The following GPR39 variants were observed in gnomAD, a reference collection of about 807,000 sequenced individuals.
GPR39 encodes zinc sensing receptor.
In GPR39, 23 loss-of-function variants were observed where a neutral mutation model predicts 18.4. That is an observed-to-expected ratio of 1.25 (90% CI 0.90 to 1.77). The LOEUF is 1.77. Among genes scored for constraint, GPR39 ranks in the 40% most tolerant of loss-of-function variants. The probability of loss-of-function intolerance (pLI) is 0.00; values close to 1 mark genes in which losing one functional copy is unlikely to be tolerated. For synonymous variants in GPR39, 280 were observed against 257.9 expected (o/e 1.09, Z -0.82); for missense variants, 647 against 602.4 (o/e 1.07, Z -0.78).
Position 132,646,392 on chromosome 2 carries a change from A to G in GPR39, c.*786A>G. 1.7e-6 allele frequency: 1 copy of G among 597,334 alleles called. No individual in the cohort carries two copies. The highest frequency in any genetic ancestry group is 2.7e-6 in the Non-Finnish European group (1 of 377,104). 37.0% of individuals were successfully genotyped at this position (597,334 alleles called of 1,614,324 possible). On this transcript the variant is annotated 3_prime_UTR_variant, in exon 2 of 2. Transcript: ENST00000329321. ...CTTCCTTACTCCTCCCACAGCCCAG[A>G]GACTAGGTGAGGTCAGGGAAGTGCT...
intron 1 of GPR39, among the ~76,000 whole-genome samples, chr2:132,616,978 T>C (rs1472145338): frequency 6.6e-6 from 1 of 152,178 alleles, no homozygotes; most frequent in African/African-American, 2.4e-5. Flanking sequence ...CACAAACCCA[T>C]TCATAGAGAC....
Position 132,609,148 on chromosome 2 carries a change from G to A in GPR39, c.857-35953G>A, listed in dbSNP as rs985850291. On this transcript the variant is annotated intron_variant, in intron 1 of 1. Transcript: ENST00000329321. ...AGCAGATAATAGATTGTAGGTACGC[G>A]GCCATGGGCCCCTAAGAGAAATCTC... Among the ~76,000 whole-genome samples, 5 of 152,158 alleles carry A rather than the reference G, an allele frequency of 3.3e-5. 1 individual carries two copies. Among genetic ancestry groups the A allele is most frequent in the Admixed American group, 6.5e-5 (1 of 15,280 alleles).
At chr2:132,431,078 A>T (rs369284578) in intron 1 of GPR39, among the ~76,000 whole-genome samples, 2 of 152,082 alleles carry the variant, frequency 1.3e-5, no homozygotes, top group South Asian at 4.1e-4. Context: ...GTTGGTGCCA[A>T]ATCCCCAGGG....
At chr2:132,640,608 C>A (rs1681840549) in intron 1 of GPR39, among the ~76,000 whole-genome samples, 1 of 152,106 alleles carries the variant, frequency 6.6e-6, no homozygotes, top group South Asian at 2.1e-4. Flanking sequence ...GCACATTACA[C>A]CACACAGACC....
chr2:132,428,359 G>A (rs967183718), intron 1 of GPR39, among the ~76,000 whole-genome samples: 1 of 152,170 alleles, frequency 6.6e-6, no homozygotes, highest in African/African-American at 2.4e-5. Flanking sequence ...CTTAATACTT[G>A]TCTCATTGGG....
At chr2:132,472,386 C>A (rs12617881) in intron 1 of GPR39, among the ~76,000 whole-genome samples, 60,089 of 151,994 alleles carry the variant, frequency 0.4, 14,429 homozygotes, top group Non-Finnish European at 0.54. Context: ...ACTTGCCACT[C>A]CCAGAAGTTG....
At chr2:132,625,024 C>G (rs193130605) in intron 1 of GPR39, among the ~76,000 whole-genome samples, 40 of 152,008 alleles carry the variant, frequency 2.6e-4, no homozygotes, top group African/African-American at 8.7e-4. Context: ...AGTAGTTGCA[C>G]CAATTTACAA....
At chr2:132,490,558 C>G (rs886719242) in intron 1 of GPR39, among the ~76,000 whole-genome samples, 2 of 151,802 alleles carry the variant, frequency 1.3e-5, no homozygotes, top group African/African-American at 4.9e-5. Context: ...GTCGGAGAGA[C>G]AGGAAGAACC....
At chr2:132,562,696 T>C (rs1680276133) in intron 1 of GPR39, among the ~76,000 whole-genome samples, 2 of 152,054 alleles carry the variant, frequency 1.3e-5, no homozygotes, top group South Asian at 4.2e-4. Context: ...TAGTAGTAGA[T>C]AGTAATAGAT....
intron 1 of GPR39, among the ~76,000 whole-genome samples, chr2:132,585,948 GTTTTTT>G (rs397985921): frequency 1.4e-4 from 9 of 62,958 alleles, no homozygotes; most frequent in East Asian, 7.1e-4. Context: ...AGCATCCCCG[GTTTTTT>G]TTTTTTTTTT....
chr2:132,514,553 C>T (rs1157102313), intron 1 of GPR39, among the ~76,000 whole-genome samples: 1 of 152,170 alleles, frequency 6.6e-6, no homozygotes, highest in East Asian at 1.9e-4. Context: ...AGCTCTGTTC[C>T]CCTCTGCCAC....
chr2:132,466,220 A>G (rs1680925044), intron 1 of GPR39, among the ~76,000 whole-genome samples: 2 of 152,238 alleles, frequency 1.3e-5, no homozygotes, highest in African/African-American at 4.8e-5. Context: ...TGACATAGGT[A>G]AAGTACCTCA....
chr2:132,564,810 C>CTTTTTTTTCTTTTTTTT (rs1680317370), intron 1 of GPR39, among the ~76,000 whole-genome samples: 1 of 95,440 alleles, frequency 1.0e-5, no homozygotes, highest in Non-Finnish European at 1.9e-5. Context: ...TTTCTTTTTT[C>CTTTTTTTTCTTTTTTTT]TTTTTTTTTT....
intron 1 of GPR39, among the ~76,000 whole-genome samples, chr2:132,585,961 T>TTTTG (rs1224680051): frequency 4.2e-5 from 6 of 141,334 alleles, no homozygotes; most frequent in Non-Finnish European, 7.7e-5. Flanking sequence ...TTTTTTTTTT[T>TTTTG]TTTTTTTTTT....
intron 1 of GPR39, among the ~76,000 whole-genome samples, chr2:132,426,641 C>T (rs1211202254): frequency 5.3e-5 from 8 of 152,188 alleles, no homozygotes; most frequent in Admixed American, 2.0e-4. Flanking sequence ...CAGACTTTAT[C>T]ATTTTCTGAT....
chr2:132,585,491 G>A (rs1415678666), intron 1 of GPR39, among the ~76,000 whole-genome samples: 4 of 152,212 alleles, frequency 2.6e-5, no homozygotes, highest in African/African-American at 9.7e-5. Flanking sequence ...TGACTGATGT[G>A]AGTTGCCCTC....
chr2:132,468,944 A>G (rs1163538002), intron 1 of GPR39, among the ~76,000 whole-genome samples: 1 of 152,198 alleles, frequency 6.6e-6, no homozygotes, highest in African/African-American at 2.4e-5. Context: ...TTTCCCCACA[A>G]TGTTGCTGGC....
chr2:132,465,649 C>T (rs374890412), intron 1 of GPR39, among the ~76,000 whole-genome samples: 32 of 152,300 alleles, frequency 2.1e-4, no homozygotes, highest in African/African-American at 7.7e-4. Context: ...CTAAGGTTGT[C>T]ACAGCGTTTG....
At chr2:132,429,815 G>A (rs1239213893) in intron 1 of GPR39, among the ~76,000 whole-genome samples, 4 of 152,232 alleles carry the variant, frequency 2.6e-5, no homozygotes, top group African/African-American at 7.2e-5. Flanking sequence ...ATTTCTGGAT[G>A]AAACTGGAAT....
Sources: allele counts gnomAD v4.1 joint callset (sites outside exome capture counted in the v4.1 genomes callset), GRCh38; gene constraint gnomAD v4.1.1; transcripts MANE v1.5; gene names NCBI Gene and HGNC (gene_info 2026-07-23, HGNC 2026-07-21).